The following NFKB1 variants were observed in gnomAD, a reference collection of about 807,000 sequenced individuals.
NFKB1 encodes nuclear factor NF-kappa-B p105 subunit.
In NFKB1, 9 loss-of-function variants were observed where a neutral mutation model predicts 105.1. The observed-to-expected ratio is 0.09, with a 90% CI of 0.05 to 0.15. NFKB1 has a LOEUF of 0.15. Ranked by LOEUF, NFKB1 falls within the 10% of genes least tolerant of loss-of-function variation. The pLI, the probability that NFKB1 is intolerant of heterozygous loss-of-function variation, is 1.00. For missense variants in NFKB1, 830 were observed against 1,203.7 expected, an observed-to-expected ratio of 0.69 and a Z score of 4.59; for synonymous variants, 440 against 442.2, an observed-to-expected ratio of 1.00 and a Z score of 0.06.
intron 1 of NFKB1, among the ~76,000 whole-genome samples, chr4:102,515,104 A>ATTTTTTTTTTT (rs761237095): frequency 6.2e-5 from 7 of 113,484 alleles, no homozygotes; most frequent in Non-Finnish European, 8.8e-5. Flanking sequence ...TATTATTATT[A>ATTTTTTTTTTT]TTATTTTTTT....
intron 9 of NFKB1, among the ~76,000 whole-genome samples, chr4:102,581,169 G>A (rs1337378965): frequency 6.6e-6 from 1 of 152,178 alleles, no homozygotes; most frequent in Non-Finnish European, 1.5e-5. Context: ...TCCCTTTGAG[G>A]AAAGGTTCTT....
intron 5 of NFKB1, among the ~76,000 whole-genome samples, chr4:102,544,143 G>A (rs1721950695): frequency 6.6e-6 from 1 of 152,124 alleles, no homozygotes; most frequent in African/African-American, 2.4e-5. Flanking sequence ...TGGGAGATGA[G>A]TATAACTTTT....
Position 102,578,901 on chromosome 4 carries a change from C to G in NFKB1, c.592C>G (p.Arg198Gly), listed in dbSNP as rs370846760. The G allele has an allele frequency of 6.2e-7, 1 of 1,613,920 alleles. No individual in the cohort carries two copies. Among genetic ancestry groups the G allele is most frequent in the South Asian group, 1.1e-5 (1 of 91,084 alleles). The part of the protein sequence containing the change: ...QLGDREKELI[R>G]QAALQQTKEM... ...CCTAGATCGGGAAAAAGAGCTAATC[C>G]GCCAAGCAGCTCTGCAGCAGACCAA... The change falls in exon 8 of 24, where the codon CGC becomes GGC. Residue 198 changes from arginine (R) to glycine (G), a missense_variant. Arg to Gly is a moderately radical substitution (Grantham distance 125). Around this residue, in one of 8 missense-constraint regions of NFKB1, gnomAD observed 80 missense variants for 122.6 expected, o/e 0.65. Coordinates refer to ENST00000226574, the MANE Select transcript of NFKB1 (RefSeq NM_003998.4).
At chr4:102,523,755 G>T (rs1008007675) in intron 1 of NFKB1, among the ~76,000 whole-genome samples, 2 of 152,074 alleles carry the variant, frequency 1.3e-5, no homozygotes, top group Non-Finnish European at 2.9e-5. Context: ...TAGAAGCCAG[G>T]TCTTCTCCAT....
intron 19 of NFKB1, 30 bp downstream of exon 19, chr4:102,607,781 A>C: frequency 1.9e-6 from 3 of 1,599,546 alleles, no homozygotes; most frequent in Non-Finnish European, 2.6e-6. Flanking sequence ...GTCATTAATG[A>C]AAAATGTTAC....
chr4:102,580,409 G>A, intron 8 of NFKB1, 126 bp from the exon 9 acceptor site: 1 of 713,210 alleles, frequency 1.4e-6, no homozygotes, highest in Non-Finnish European at 2.5e-6. Context: ...TATTTACTTT[G>A]TTAGTGAAAG....
chr4:102,546,413 C>A (rs1233548829), intron 5 of NFKB1, among the ~76,000 whole-genome samples: 2 of 152,100 alleles, frequency 1.3e-5, no homozygotes, highest in Admixed American at 6.5e-5. Context: ...TGCTTCAAAA[C>A]CTACTTAAAA....
intron 5 of NFKB1, among the ~76,000 whole-genome samples, chr4:102,562,383 CTT>C (rs1419676796): frequency 6.6e-6 from 1 of 152,188 alleles, no homozygotes; most frequent in Non-Finnish European, 1.5e-5. Context: ...CAGTCCCACT[CTT>C]TAATTCTCCA....
At chr4:102,546,839 A>G (rs1351734300) in intron 5 of NFKB1, among the ~76,000 whole-genome samples, 1 of 152,148 alleles carries the variant, frequency 6.6e-6, no homozygotes, top group Non-Finnish European at 1.5e-5. Flanking sequence ...GTCTCAGCCT[A>G]GGGGGAATCA....
At chr4:102,591,799 T>C (rs1037739106) in intron 11 of NFKB1, among the ~76,000 whole-genome samples, 1 of 152,262 alleles carries the variant, frequency 6.6e-6, no homozygotes, top group African/African-American at 2.4e-5. Context: ...ATTTTGACTT[T>C]CAGTCTTATT....
At chr4:102,550,673 C>G (rs993668566) in intron 5 of NFKB1, among the ~76,000 whole-genome samples, 1 of 152,206 alleles carries the variant, frequency 6.6e-6, no homozygotes, top group Non-Finnish European at 1.5e-5. Flanking sequence ...ATACCAATAT[C>G]TGCAAGCTTA....
intron 3 of NFKB1, among the ~76,000 whole-genome samples, chr4:102,531,807 C>A (rs1469043274): frequency 6.6e-6 from 1 of 152,102 alleles, no homozygotes; most frequent in African/African-American, 2.4e-5. Flanking sequence ...AAAATAATAG[C>A]AAATTTGCAG....
intron 15 of NFKB1, among the ~76,000 whole-genome samples, chr4:102,600,082 G>C (rs146692380): frequency 6.6e-6 from 1 of 152,158 alleles, no homozygotes; most frequent in Admixed American, 6.5e-5. Flanking sequence ...GACAGAGAAC[G>C]AGAAAAATGT....
At chr4:102,601,477 A>C (rs1048703341) in intron 16 of NFKB1, among the ~76,000 whole-genome samples, 1 of 151,960 alleles carries the variant, frequency 6.6e-6, no homozygotes, top group Non-Finnish European at 1.5e-5. Context: ...AGTTTGCTTG[A>C]GGAGGAAAAG....
chr4:102,596,410 T>C, intron 14 of NFKB1, 78 bp downstream of exon 14: 3 of 1,168,936 alleles, frequency 2.6e-6, no homozygotes, highest in Non-Finnish European at 3.5e-6. Flanking sequence ...TATCTGCTAA[T>C]CTAAAGATGA....
intron 11 of NFKB1, among the ~76,000 whole-genome samples, chr4:102,589,345 A>T (rs647417): frequency 1 from 152,327 of 152,328 alleles, 76,163 homozygotes; most frequent in Middle Eastern, 1. Flanking sequence ...AAATTAGTTA[A>T]GATAGAACCG....
intron 1 of NFKB1, among the ~76,000 whole-genome samples, chr4:102,515,362 G>A (rs1232973700): frequency 7.9e-5 from 12 of 151,564 alleles, no homozygotes; most frequent in Admixed American, 5.3e-4. Context: ...CGCCCGCCTC[G>A]GCCTCCCAAA....
intron 5 of NFKB1, among the ~76,000 whole-genome samples, chr4:102,551,274 A>T (rs1346718257): frequency 6.6e-6 from 1 of 152,138 alleles, no homozygotes; most frequent in Admixed American, 6.5e-5. Context: ...AGATACAGAC[A>T]TGTGTGAGAG....
intron 5 of NFKB1, among the ~76,000 whole-genome samples, chr4:102,557,491 T>C (rs1723074368): frequency 1.3e-5 from 2 of 152,174 alleles, no homozygotes; most frequent in African/African-American, 4.8e-5. Context: ...GGTGTACCCC[T>C]GCACTACTAT....
Sources: allele counts gnomAD v4.1 joint callset (sites outside exome capture counted in the v4.1 genomes callset), GRCh38; gene constraint gnomAD v4.1.1; regional missense constraint gnomAD v4.1.1; transcripts MANE v1.5; gene names NCBI Gene and HGNC (gene_info 2026-07-23, HGNC 2026-07-21).